The following TANC2 variants were observed in gnomAD, a reference collection of about 807,000 sequenced individuals.
TANC2 encodes tetratricopeptide repeat, ankyrin repeat and coiled-coil containing 2.
Under a neutral mutation model 210.5 loss-of-function variants are expected in TANC2, and 26 were observed. That is an observed-to-expected ratio of 0.12 (90% confidence interval 0.09 to 0.17). TANC2 has a LOEUF of 0.17. Ranked by LOEUF, TANC2 falls within the 10% of genes least tolerant of loss-of-function variation. TANC2 has a pLI of 1.00. For synonymous variants in TANC2, 931 were observed against 967.1 expected (o/e 0.96, Z 0.69); for missense variants, 2,129 against 2,608.9 (o/e 0.82, Z 4.01).
At chr17:63,336,882 G>C (rs969512305) in intron 11 of TANC2, among the ~76,000 whole-genome samples, 1 of 152,150 alleles carries the variant, frequency 6.6e-6, no homozygotes, top group African/African-American at 2.4e-5. Context: ...CATTCCCAAG[G>C]AGCTGTAATA....
intron 11 of TANC2, among the ~76,000 whole-genome samples, chr17:63,337,098 G>T (rs1420004661): frequency 6.6e-6 from 1 of 152,180 alleles, no homozygotes; most frequent in Non-Finnish European, 1.5e-5. Context: ...GATTGTATGT[G>T]CATATACCTA....
chr17:63,249,289 T>C (rs2042995051), intron 8 of TANC2, among the ~76,000 whole-genome samples: 1 of 152,168 alleles, frequency 6.6e-6, no homozygotes, highest in Admixed American at 6.6e-5. Flanking sequence ...GATTTAACAA[T>C]GTGTTTTGTT....
rs543553031 is a variant in TANC2 at position 63,342,766 on chromosome 17, A to C, written c.1807+2434A>C. Among the ~76,000 whole-genome samples the C allele has an allele frequency of 1.2e-3, 179 of 152,006 alleles. 1 individual carries two copies. The highest frequency in any genetic ancestry group is 4.1e-3 in the African/African-American group (172 of 41,484). ...ACTCCAGCCTGGGCGACAGAGTGAG[A>C]CTCCGTCTCAAAAAAAAAAGAAAAG... On this transcript the variant is annotated intron_variant, in intron 12 of 27. Transcript: ENST00000689528.
At chr17:63,405,428 A>C (rs1056082534) in intron 20 of TANC2, among the ~76,000 whole-genome samples, 173 bp downstream of exon 20, 3 of 152,242 alleles carry the variant, frequency 2.0e-5, no homozygotes, top group Non-Finnish European at 4.4e-5. Context: ...TACGACAGTT[A>C]ACATTCAAAA....
At chr17:63,149,265 T>A (rs1162860821) in intron 4 of TANC2, 1 of 152,130 alleles carries the variant, frequency 6.6e-6, no homozygotes, top group Non-Finnish European at 1.5e-5. Context: ...CATACTCTCT[T>A]CACAGTCTTC....
chr17:63,326,398 T>C (rs1192245066), intron 11 of TANC2, among the ~76,000 whole-genome samples: 4 of 152,274 alleles, frequency 2.6e-5, no homozygotes. Context: ...TATTTAAAAA[T>C]GAAACCATGC....
At chr17:63,112,670 T>TA (rs919398787) in intron 4 of TANC2, among the ~76,000 whole-genome samples, 4 of 152,218 alleles carry the variant, frequency 2.6e-5, no homozygotes, top group African/African-American at 9.7e-5. Context: ...AATAACACCT[T>TA]AAGGCTGAGA....
At chr17:63,026,774 C>T (rs1370244350) in intron 2 of TANC2, among the ~76,000 whole-genome samples, 9 of 152,106 alleles carry the variant, frequency 5.9e-5, no homozygotes, top group Non-Finnish European at 4.4e-5. Flanking sequence ...TTGTAAATTA[C>T]TCTTATTCCA....
rs114069911 is a variant in TANC2, at chr17:63,198,906, G to A, written c.583-1865G>A. 8.5e-3 allele frequency among the ~76,000 whole-genome samples: 1,299 copies of A among 152,202 alleles called. 16 individuals carry two copies. The highest frequency in any genetic ancestry group is 0.029 in the African/African-American group (1,186 of 41,516). On this transcript the variant is annotated intron_variant, in intron 6 of 27. Transcript: ENST00000689528. The stretch of plus-strand genomic sequence containing the variant: ...TATAGTAGAAGAGAAATTTGGATAC[G>A]TTTGAGAGCTTACTGTGTTGTTAAG...
At chr17:63,415,674 C>T (rs763562493) in exon 26 of TANC2, 54 of 1,582,750 alleles carry the variant, frequency 3.4e-5, no homozygotes, top group East Asian at 2.3e-4. Flanking sequence ...GGAAAATGAA[C>T]GTAAGTCCCT....
At chr17:63,055,990 A>ATATATATATATATATATATATAT (rs1555769555) in intron 2 of TANC2, among the ~76,000 whole-genome samples, 2 of 10,098 alleles carry the variant, frequency 2.0e-4, no homozygotes, top group Non-Finnish European at 4.3e-4. Flanking sequence ...AAAAAAAAAA[A>ATATATATATATATATATATATAT]ATATATATAT....
chr17:63,085,005 G>T (rs982163369), intron 3 of TANC2, among the ~76,000 whole-genome samples: 4 of 152,126 alleles, frequency 2.6e-5, no homozygotes, highest in Non-Finnish European at 5.9e-5. Flanking sequence ...GATGGATGGT[G>T]CTGTTGAGTT....
At chr17:63,297,136 T>C (rs2044560888) in intron 9 of TANC2, among the ~76,000 whole-genome samples, 1 of 152,200 alleles carries the variant, frequency 6.6e-6, no homozygotes, top group Non-Finnish European at 1.5e-5. Flanking sequence ...AAGATATTGG[T>C]ACTACCCAAA....
In TANC2 at chr17:63,054,513, A is replaced by G. The variant is rs189158722; in HGVS notation, c.68-19430A>G. Among the ~76,000 whole-genome samples the G allele has an allele frequency of 6.1e-4, 92 of 150,668 alleles. 7 individuals are homozygous for G. In the East Asian group the frequency reaches 8.2e-3, roughly 13 times the overall value. The stretch of plus-strand genomic sequence containing the variant: ...CAGCCTCCCGAGTAGCTGAGATTAC[A>G]GGCATGTGCCACCATGCCCAGCTAA... On this transcript the variant is annotated intron_variant, in intron 2 of 27. Coordinates refer to ENST00000689528, the Ensembl canonical transcript of TANC2.
At chr17:63,404,678 A>G (rs1179103467) in intron 19 of TANC2, among the ~76,000 whole-genome samples, 1 of 152,182 alleles carries the variant, frequency 6.6e-6, no homozygotes, top group Admixed American at 6.5e-5. Flanking sequence ...GCCCAGGGGT[A>G]GAGCTTGGCT....
At chr17:63,130,529 ATTT>A (rs2038880823) in intron 4 of TANC2, among the ~76,000 whole-genome samples, 2 of 151,642 alleles carry the variant, frequency 1.3e-5, no homozygotes, top group South Asian at 4.2e-4. Context: ...AAAAAAAAAG[ATTT>A]AAAAACCAAT....
Position 63,151,158 on chromosome 17 carries a change from TTC to T in TANC2, c.323-106_323-105del, listed in dbSNP as rs571522181. 287 of 349,264 alleles carry T rather than the reference TTC, an allele frequency of 8.2e-4. 1 individual carries two copies. Among genetic ancestry groups the T allele is most frequent in the African/African-American group, 6.0e-3 (270 of 45,082 alleles). 21.6% of individuals were successfully genotyped at this position (349,264 alleles called of 1,614,324 possible). On this transcript the variant is annotated intron_variant, in intron 4 of 27. Transcript: ENST00000689528. ...CCCCTTACTCATGACCCCTCTATGT[TTC>T]TCTCTTTCCCTTTTTCCTTCTCTTT...
At chr17:63,262,331 A>G (rs894184099) in intron 8 of TANC2, among the ~76,000 whole-genome samples, 2 of 152,104 alleles carry the variant, frequency 1.3e-5, no homozygotes, top group Admixed American at 6.6e-5. Context: ...GGACATGCGC[A>G]CTATACCCAA....
chr17:63,018,824 T>C (rs1167250624), intron 2 of TANC2, among the ~76,000 whole-genome samples: 7 of 152,212 alleles, frequency 4.6e-5, no homozygotes, highest in African/African-American at 1.7e-4. Flanking sequence ...CCTTTTGGGA[T>C]TGGCTTTTTA....
Sources: gnomAD v4.1 joint callset for allele counts (sites outside exome capture counted in the v4.1 genomes callset) on GRCh38, gnomAD v4.1.1 for gene constraint, MANE v1.5 for transcripts, NCBI Gene and HGNC (gene_info 2026-07-23, HGNC 2026-07-21) for gene names.